Variants in USP47 observed in about 807,000 individuals in gnomAD.
USP47 encodes ubiquitin specific peptidase 47.
In USP47, 35 loss-of-function variants were observed where a neutral mutation model predicts 165.1. The observed-to-expected ratio is 0.21, with a 90% CI of 0.16 to 0.28. The LOEUF (loss-of-function observed/expected upper bound fraction) is 0.28, where lower values mean the gene tolerates loss of function less well. Among genes scored for constraint, USP47 ranks in the 10% least tolerant of loss-of-function variants. The probability of loss-of-function intolerance (pLI) is 1.00; values close to 1 mark genes in which losing one functional copy is unlikely to be tolerated. For missense variants in USP47, 1,277 were observed against 1,607.4 expected (o/e 0.79, Z 3.52); for synonymous variants, 531 against 544.5 (o/e 0.98, Z 0.35).
chr11:11,923,303 G>A (rs1042114532), intron 11 of USP47, among the ~76,000 whole-genome samples: 1 of 151,698 alleles, frequency 6.6e-6, no homozygotes, highest in Non-Finnish European at 1.5e-5. Flanking sequence ...TGTTGGATTA[G>A]TCATTGATTT....
intron 17 of USP47, among the ~76,000 whole-genome samples, chr11:11,937,689 T>C (rs1438112754): frequency 2.0e-5 from 3 of 151,764 alleles, no homozygotes; most frequent in East Asian, 3.9e-4. Context: ...GTAAGACTTA[T>C]AAAGTAGTCT....
At chr11:11,911,925 A>T (rs1176223455) in intron 8 of USP47, among the ~76,000 whole-genome samples, 1 of 152,166 alleles carries the variant, frequency 6.6e-6, no homozygotes. Context: ...GAATCAGATT[A>T]GCAGACAGGA....
intron 14 of USP47, among the ~76,000 whole-genome samples, chr11:11,931,192 T>A (rs909724158): frequency 1.3e-5 from 2 of 152,170 alleles, no homozygotes; most frequent in Non-Finnish European, 2.9e-5. Flanking sequence ...AAAAAAAATA[T>A]AATCACAATC....
Position 11,961,257 on chromosome 11 carries a change from T to C in USP47, c.*5082T>C, listed in dbSNP as rs752325001. On this transcript the variant is annotated 3_prime_UTR_variant, in exon 28 of 28. Transcript: ENST00000527733. ...GGTTAAGGACCTTGACGTGGGAAGA[T>C]TGTGATTATTTACCTGACAGGGCAA... Among the ~76,000 whole-genome samples the C allele has an allele frequency of 2.2e-4, 33 of 151,812 alleles. No homozygotes were observed. The highest frequency in any genetic ancestry group is 4.1e-4 in the Non-Finnish European group (28 of 67,958).
intron 1 of USP47, chr11:11,878,675 G>A (rs1850638172): frequency 6.6e-6 from 1 of 151,388 alleles, no homozygotes; most frequent in African/African-American, 2.4e-5. Flanking sequence ...TTAAATATTT[G>A]GATGTGTCTG....
At chr11:11,866,145 C>T (rs1187887751) in intron 1 of USP47, among the ~76,000 whole-genome samples, 1 of 152,110 alleles carries the variant, frequency 6.6e-6, no homozygotes, top group African/African-American at 2.4e-5. Context: ...ATAGTTTTAG[C>T]TCTTACATAT....
At chr11:11,885,841 A>T (rs1851127496) in intron 3 of USP47, among the ~76,000 whole-genome samples, 1 of 152,198 alleles carries the variant, frequency 6.6e-6, no homozygotes, top group Admixed American at 6.5e-5. Context: ...CATTCAGGCC[A>T]GCAACAGTTC....
chr11:11,851,397 T>C (rs1448278260), intron 1 of USP47, among the ~76,000 whole-genome samples: 1 of 152,224 alleles, frequency 6.6e-6, no homozygotes, highest in African/African-American at 2.4e-5. Flanking sequence ...TGGTCAGTTC[T>C]AGTTTGGACT....
chr11:11,935,980 T>C (rs376663501), intron 16 of USP47, among the ~76,000 whole-genome samples: 1 of 152,006 alleles, frequency 6.6e-6, no homozygotes, highest in East Asian at 1.9e-4. Flanking sequence ...TCCAGATTAG[T>C]TGATTATGAA....
rs1293415139 is a variant in USP47 at position 11,945,945 on chromosome 11, AAAAAAGAAAAG to A, written c.3092-1995_3092-1985del. ...GCGAGACCCTGTCCCCCCCCCAAAA[AAAAAAGAAAAG>A]AAAAGAAAAGGAAAAAGAATAAAAG... is the stretch of plus-strand genomic sequence containing the variant. On this transcript the variant is annotated intron_variant, in intron 20 of 27. Coordinates refer to ENST00000527733, the MANE Select transcript of USP47 (RefSeq NM_001282659.2). Among the ~76,000 whole-genome samples the A allele has an allele frequency of 6.2e-5, 9 of 144,734 alleles. 1 individual carries two copies. Among genetic ancestry groups the A allele is most frequent in the Middle Eastern group, 6.9e-3 (2 of 288 alleles). The allele number at this position is 144,734 out of a possible 152,430, so 95.0% of individuals were successfully genotyped here.
chr11:11,885,272 A>G (rs1455712218), intron 3 of USP47, among the ~76,000 whole-genome samples: 1 of 152,194 alleles, frequency 6.6e-6, no homozygotes, highest in Non-Finnish European at 1.5e-5. Flanking sequence ...GCTGCGGTCC[A>G]CAGTGCTCAT....
chr11:11,877,847 G>A (rs1475697942), intron 1 of USP47, among the ~76,000 whole-genome samples: 1 of 83,536 alleles, frequency 1.2e-5, no homozygotes, highest in Non-Finnish European at 2.4e-5. Flanking sequence ...GTGTGTGTGT[G>A]TGTGTGTGTG....
chr11:11,954,794 T>G (rs527279504), intron 25 of USP47, 103 bp from the exon 26 acceptor site: 1 of 1,325,058 alleles, frequency 7.5e-7, no homozygotes, highest in Non-Finnish European at 1.0e-6. Context: ...ACATGAAACA[T>G]TTTTTAAACT....
intron 1 of USP47, among the ~76,000 whole-genome samples, chr11:11,879,160 A>C (rs568778829): frequency 2.0e-5 from 3 of 152,306 alleles, no homozygotes; most frequent in Middle Eastern, 3.4e-3. Context: ...TAAACTTCTT[A>C]GGAAGCTGTT....
At chr11:11,940,751 C>T (rs1855411091) in intron 19 of USP47, among the ~76,000 whole-genome samples, 1 of 151,834 alleles carries the variant, frequency 6.6e-6, no homozygotes, top group Non-Finnish European at 1.5e-5. Flanking sequence ...TACTGGTTCT[C>T]CTCTTCTTTG....
At chr11:11,924,316 C>T (rs1252053625) in intron 11 of USP47, among the ~76,000 whole-genome samples, 1 of 152,000 alleles carries the variant, frequency 6.6e-6, no homozygotes, top group East Asian at 1.9e-4. Context: ...TGGAATGAAT[C>T]CTGCTTTGTC....
At position 11,956,497 on chromosome 11, in the gene USP47, T is replaced by C. The variant is rs1856569448; in HGVS notation, c.*322T>C. 1 of 201,662 alleles carries C rather than the reference T, an allele frequency of 5.0e-6. No homozygotes were observed. Among genetic ancestry groups the C allele is most frequent in the Admixed American group, 5.5e-5 (1 of 18,276 alleles). 12.5% of individuals were successfully genotyped at this position (201,662 alleles called of 1,614,324 possible). A position where few individuals can be genotyped will look rare whatever the true frequency, so the allele number is the denominator to read the frequency against. On this transcript the variant is annotated 3_prime_UTR_variant, in exon 28 of 28. Coordinates refer to ENST00000527733, the MANE Select transcript of USP47 (RefSeq NM_001282659.2). ...AAACTTCTTTTATTGCGGACAAATG[T>C]GCACATAGCCGCTAGTAAAACTAGC...
intron 1 of USP47, among the ~76,000 whole-genome samples, chr11:11,864,341 T>C (rs1849550781): frequency 6.6e-6 from 1 of 152,156 alleles, no homozygotes; most frequent in South Asian, 2.1e-4. Context: ...TTAAGCTATT[T>C]ATAAAAAATT....
At chr11:11,946,949 A>G (rs79175349) in intron 20 of USP47, among the ~76,000 whole-genome samples, 22,269 of 152,198 alleles carry the variant, frequency 0.15, 2,087 homozygotes, top group Admixed American at 0.33. Context: ...TGTTGATATG[A>G]CATGGGAATG....
Sources: allele counts gnomAD v4.1 joint callset (sites outside exome capture counted in the v4.1 genomes callset), GRCh38; gene constraint gnomAD v4.1.1; transcripts MANE v1.5; gene names NCBI Gene and HGNC (gene_info 2026-07-23, HGNC 2026-07-21).